The following MDFIC variants were observed in gnomAD, a reference collection of about 807,000 sequenced individuals.
The protein encoded by MDFIC is myoD family inhibitor domain-containing protein.
MDFIC carries 17 observed loss-of-function variants against 23.2 expected under a neutral mutation model. The ratio of observed to expected loss-of-function variants is 0.73; its 90% CI spans 0.50 to 1.10. The LOEUF is 1.10. Among genes scored for constraint, MDFIC ranks in the 50% least tolerant of loss-of-function variants. The pLI, the probability that MDFIC is intolerant of heterozygous loss-of-function variation, is 0.00. For synonymous variants in MDFIC, 120 were observed against 115.2 expected (o/e 1.04, Z -0.27); for missense variants, 356 against 316.6 (o/e 1.12, Z -0.95).
chr7:114,942,459 C>T (rs542426337), intron 3 of MDFIC, 62 bp downstream of exon 3: 34 of 1,246,850 alleles, frequency 2.7e-5, no homozygotes, highest in South Asian at 5.4e-5. Flanking sequence ...ATATATTCTT[C>T]GTTAATTGCC....
intron 4 of MDFIC, among the ~76,000 whole-genome samples, chr7:115,012,430 A>G (rs1361012965): frequency 6.6e-6 from 1 of 152,162 alleles, no homozygotes; most frequent in African/African-American, 2.4e-5. Context: ...AGTTTCAAAG[A>G]TTGGTGAGAA....
chr7:114,938,786 G>A (rs181086909), intron 2 of MDFIC, among the ~76,000 whole-genome samples: 1 of 11,252 alleles, frequency 8.9e-5, no homozygotes, highest in Admixed American at 1.5e-3. Flanking sequence ...TCTATGGGTT[G>A]TCTTTCAGGT....
intron 4 of MDFIC, among the ~76,000 whole-genome samples, chr7:115,013,149 T>A (rs1472381490): frequency 6.6e-6 from 1 of 152,084 alleles, no homozygotes; most frequent in Non-Finnish European, 1.5e-5. Context: ...ATTTGCGGAG[T>A]ATAGTTTCCA....
At chr7:114,940,111 C>T (rs1048911775) in intron 2 of MDFIC, among the ~76,000 whole-genome samples, 2 of 152,154 alleles carry the variant, frequency 1.3e-5, no homozygotes, top group African/African-American at 4.8e-5. Flanking sequence ...TTACATTTCT[C>T]TATGATAATG....
intron 3 of MDFIC, among the ~76,000 whole-genome samples, chr7:114,955,754 T>C (rs1792871291): frequency 6.6e-6 from 1 of 152,248 alleles, no homozygotes; most frequent in Non-Finnish European, 1.5e-5. Context: ...TCTTTGCTTC[T>C]CTTAAGGAGC....
chr7:114,993,358 C>A (rs549301419), intron 4 of MDFIC, among the ~76,000 whole-genome samples: 14 of 152,260 alleles, frequency 9.2e-5, no homozygotes, highest in African/African-American at 3.1e-4. Flanking sequence ...TCCTTCAGTT[C>A]TGATCTGATC....
At chr7:114,923,485 G>A (rs1223777700) in intron 2 of MDFIC, 3 of 1,537,824 alleles carry the variant, frequency 2.0e-6, no homozygotes, top group Non-Finnish European at 2.6e-6. Context: ...CAGGACTGCC[G>A]CAGCTCTCTG....
chr7:114,992,691 G>T (rs1475991449), intron 4 of MDFIC, among the ~76,000 whole-genome samples: 1 of 152,154 alleles, frequency 6.6e-6, no homozygotes, highest in Non-Finnish European at 1.5e-5. Context: ...GCATCCCAGG[G>T]ATGAAGCCCA....
intron 4 of MDFIC, chr7:115,014,019 TAAAA>T (rs1295246117): frequency 1.0e-6 from 1 of 985,276 alleles, no homozygotes; most frequent in Admixed American, 6.1e-5. Flanking sequence ...GGCTTGGCAC[TAAAA>T]AGAAAGGAAA....
intron 4 of MDFIC, among the ~76,000 whole-genome samples, chr7:114,992,770 T>G (rs1177764631): frequency 6.6e-6 from 1 of 152,220 alleles, no homozygotes; most frequent in African/African-American, 2.4e-5. Context: ...ACTGAGGATT[T>G]TTGCATAAAT....
At chr7:114,978,148 G>A (rs1052957623) in intron 3 of MDFIC, among the ~76,000 whole-genome samples, 1 of 151,558 alleles carries the variant, frequency 6.6e-6, no homozygotes, top group African/African-American at 2.4e-5. Context: ...AAGCTTCATT[G>A]GCTTGTATGT....
At chr7:114,969,306 G>T (rs527845038) in intron 3 of MDFIC, among the ~76,000 whole-genome samples, 2 of 152,284 alleles carry the variant, frequency 1.3e-5, no homozygotes, top group South Asian at 2.1e-4. Context: ...TATTCAGGAA[G>T]GTTGTTATAT....
intron 4 of MDFIC, among the ~76,000 whole-genome samples, chr7:115,004,473 A>G (rs1252252472): frequency 1.3e-5 from 2 of 152,326 alleles, no homozygotes; most frequent in East Asian, 1.9e-4. Flanking sequence ...AAAGGACAAA[A>G]AACGAAACAA....
intron 3 of MDFIC, among the ~76,000 whole-genome samples, chr7:114,977,741 A>G (rs1280546467): frequency 6.6e-6 from 1 of 151,930 alleles, no homozygotes; most frequent in Non-Finnish European, 1.5e-5. Context: ...TATGCTATTA[A>G]AACAGTCTCC....
intron 3 of MDFIC, among the ~76,000 whole-genome samples, chr7:114,966,970 A>G (rs994406913): frequency 6.6e-6 from 1 of 151,816 alleles, no homozygotes; most frequent in African/African-American, 2.4e-5. Flanking sequence ...GGCGTATTGG[A>G]TTTTTTTTTA....
Position 114,951,710 on chromosome 7 carries a change from T to G in MDFIC, c.217+9313T>G, listed in dbSNP as rs561515227. ...ATTTTATTAAATTAAAACAAAAATA[T>G]TTTAAAAAGAAAATTATCACGTGAT... On this transcript the variant is annotated intron_variant, in intron 3 of 4. Coordinates refer to ENST00000393486, the MANE Select transcript of MDFIC (RefSeq NM_001166345.3). Among the ~76,000 whole-genome samples the G allele has an allele frequency of 2.0e-3, 300 of 152,294 alleles. 1 individual carries two copies. Among genetic ancestry groups the G allele is most frequent in the African/African-American group, 6.8e-3 (282 of 41,556 alleles).
At chr7:114,972,604 G>C (rs772915839) in intron 3 of MDFIC, among the ~76,000 whole-genome samples, 1 of 152,050 alleles carries the variant, frequency 6.6e-6, no homozygotes, top group Non-Finnish European at 1.5e-5. Context: ...GCATTGTAAA[G>C]ATTGTCAACT....
Position 114,944,374 on chromosome 7 carries a change from C to A in MDFIC, c.217+1977C>A, listed in dbSNP as rs150407944. On this transcript the variant is annotated intron_variant, in intron 3 of 4. Transcript: ENST00000393486. Reference sequence around the variant, plus strand: ...ATTTCCAAATATTTGTGGGTGAAATCTGACTCTGAATTTTGATTATAAATT... The same window carrying A: ...ATTTCCAAATATTTGTGGGTGAAATATGACTCTGAATTTTGATTATAAATT... Among the ~76,000 whole-genome samples, 435 of 152,292 alleles carry A rather than the reference C, an allele frequency of 2.9e-3. 3 individuals carry two copies. The highest frequency in any genetic ancestry group is 9.7e-3 in the African/African-American group (404 of 41,582).
chr7:114,925,288 A>G (rs2709507), intron 2 of MDFIC, among the ~76,000 whole-genome samples: 137,481 of 152,160 alleles, frequency 0.9, 62,339 homozygotes, highest in East Asian at 1. Flanking sequence ...CAAAGGCATG[A>G]AACATTACAG....
Sources: allele counts gnomAD v4.1 joint callset (sites outside exome capture counted in the v4.1 genomes callset), GRCh38; gene constraint gnomAD v4.1.1; transcripts MANE v1.5; gene names NCBI Gene and HGNC (gene_info 2026-07-23, HGNC 2026-07-21).